Variants in NEB observed in about 807,000 individuals in gnomAD.
NEB encodes the protein nemaline myopathy type 2.
In NEB, 512 loss-of-function variants were observed where a neutral mutation model predicts 952.2. The observed-to-expected ratio is 0.54, with a 90% confidence interval of 0.50 to 0.58. NEB has a LOEUF of 0.58. Ranked by LOEUF, NEB falls within the 20% of genes least tolerant of loss-of-function variation. NEB has a pLI of 0.00. For synonymous variants in NEB, 2,900 were observed against 3,149.8 expected (o/e 0.92, Z 2.66); for missense variants, 8,428 against 9,231.1 (o/e 0.91, Z 3.56).
Position 151,514,908 on chromosome 2 carries a change from A to G in NEB, c.22926T>C (p.Tyr7642=). 6.4e-7 allele frequency: 1 copy of G among 1,573,238 alleles called. No homozygotes were observed. The highest frequency in any genetic ancestry group is 8.6e-7 in the Non-Finnish European group (1 of 1,156,872). The change falls in exon 158 of 182, where the codon TAT becomes TAC. Residue 7642 remains tyrosine, a synonymous_variant. Transcript: ENST00000397345. The part of the protein sequence containing the change: ...MQSGKEYRKD[Y]EESIKGRNLT... ...GGTTTCTGCCTTTAATGGACTCTTC[A>G]TAATCTTTCCTATATTCTTTCTAAT...
At chr2:151,710,353 G>C in intron 11 of NEB, 81 bp downstream of exon 11, 1 of 901,094 alleles carries the variant, frequency 1.1e-6, no homozygotes. Context: ...CACCCATTCA[G>C]GTAGAGCAAG....
chr2:151,610,389 C>CT lies in NEB; in HGVS notation c.12018+126dup, dbSNP rs2097903373. 5.2e-6 allele frequency: 4 copies of CT among 773,072 alleles called. No individual in the cohort carries two copies. In the South Asian group the frequency reaches 7.2e-5, roughly 14 times the overall value. The allele number at this position is 773,072 out of a possible 1,614,324, so 47.9% of individuals were successfully genotyped here. On this transcript the variant is annotated intron_variant, in intron 80 of 181. Coordinates refer to ENST00000397345, the MANE Select transcript of NEB (RefSeq NM_001164508.2). Reference sequence around the variant, plus strand: ...TCTCTGTAACAACAAAGGGAATGGTCTTGAGAGGTAGGAAGTAGGACTGGA... The same window carrying CT: ...TCTCTGTAACAACAAAGGGAATGGTCTTTGAGAGGTAGGAAGTAGGACTGGA...
chr2:151,623,375 G>A (rs1382903360), intron 71 of NEB, among the ~76,000 whole-genome samples: 1 of 152,076 alleles, frequency 6.6e-6, no homozygotes, highest in Non-Finnish European at 1.5e-5. Context: ...ACTGTTCAGT[G>A]TACTTTTCAT....
chr2:151,563,596 A>AT lies in NEB; in HGVS notation c.18693+9dup. The AT allele has an allele frequency of 6.2e-7, 1 of 1,606,516 alleles. No individual in the cohort carries two copies. Among genetic ancestry groups the AT allele is most frequent in the Non-Finnish European group, 8.5e-7 (1 of 1,173,126 alleles). Reference sequence around the variant, plus strand: ...GCACAAATCCCGTGTTAAAGTGGACATTTACTTACCGCACTCCTCATCTTT... The same window carrying AT: ...GCACAAATCCCGTGTTAAAGTGGACATTTTACTTACCGCACTCCTCATCTTT... On this transcript the variant is annotated intron_variant, in intron 119 of 181. Transcript: ENST00000397345.
Position 151,644,019 on chromosome 2 carries a change from A to G in NEB, c.7755T>C (p.Ser2585=), listed in dbSNP as rs757675579. ...MWSMHVAKIQ[S]DREYKKDFEK... is the part of the protein sequence containing the mutation. ...CAAAGTCCTTCTTGTACTCCCTGTC[A>G]CTCTGGATCTTGGCCACATGCATGG... The change falls in exon 57 of 182, where the codon AGT becomes AGC. Residue 2585 remains serine, a synonymous_variant. Coordinates refer to ENST00000397345, the MANE Select transcript of NEB (RefSeq NM_001164508.2). 1 of 1,613,488 alleles carries G rather than the reference A, an allele frequency of 6.2e-7. No individual in the cohort carries two copies. Among genetic ancestry groups the G allele is most frequent in the East Asian group, 2.2e-5 (1 of 44,828 alleles).
At chr2:151,669,550 G>C (rs1341732794) in intron 38 of NEB, among the ~76,000 whole-genome samples, 1 of 152,182 alleles carries the variant, frequency 6.6e-6, no homozygotes, top group Non-Finnish European at 1.5e-5. Flanking sequence ...AACTTGGAGA[G>C]AGGGGCAGAG....
At chr2:151,652,574 G>A (rs1045947556) in intron 52 of NEB, among the ~76,000 whole-genome samples, 1 of 152,134 alleles carries the variant, frequency 6.6e-6, no homozygotes, top group African/African-American at 2.4e-5. Context: ...GAGATGGAGA[G>A]AAGGTAGGAT....
intron 29 of NEB, among the ~76,000 whole-genome samples, chr2:151,682,330 A>G (rs2099422136): frequency 6.6e-6 from 1 of 152,240 alleles, no homozygotes; most frequent in Non-Finnish European, 1.5e-5. Flanking sequence ...AATGTGAGTT[A>G]CTTTTATTGT....
intron 13 of NEB, among the ~76,000 whole-genome samples, chr2:151,698,194 C>A (rs1272335723): frequency 1.3e-5 from 2 of 152,162 alleles, no homozygotes; most frequent in African/African-American, 2.4e-5. Flanking sequence ...ACATTCCAAA[C>A]TCAAAAAAAT....
chr2:151,628,903 A>AAAGAAG (rs34182658), intron 68 of NEB, among the ~76,000 whole-genome samples: 328 of 150,824 alleles, frequency 2.2e-3, no homozygotes, highest in African/African-American at 6.2e-3. Flanking sequence ...AAACAAAAGA[A>AAAGAAG]AAGAAGAAGA....
rs1351592372 is a variant in NEB at position 151,620,345 on chromosome 2, GTGTATATATA to G, written c.10560+564_10560+573del. On this transcript the variant is annotated intron_variant, in intron 72 of 181. Transcript: ENST00000397345. ...TTTTATTATATATATATGTATGTGT[GTGTATATATA>G]TATATATATATATATATATATATAT... Among the ~76,000 whole-genome samples, 256 of 87,886 alleles carry G rather than the reference GTGTATATATA, an allele frequency of 2.9e-3. 3 individuals are homozygous for G. The highest frequency in any genetic ancestry group is 3.5e-3 in the Non-Finnish European group (162 of 46,376). 57.7% of individuals were successfully genotyped at this position (87,886 alleles called of 152,430 possible). A position where few individuals can be genotyped will look rare whatever the true frequency, so the allele number is the denominator to read the frequency against.
Position 151,642,620 on chromosome 2 carries a change from G to A in NEB, c.8327C>T (p.Ala2776Val). Residue 2776 changes from alanine to valine, a missense_variant, in exon 60 of 182, where the codon GCC becomes GTC. Coordinates refer to ENST00000397345, the MANE Select transcript of NEB (RefSeq NM_001164508.2). ...KRKGYDMRVD[A>V]IPIKAAKASR... The stretch of plus-strand genomic sequence containing the variant: ...GGCCTTGGCTGCCTTGATAGGAATG[G>A]CATCTACCCGCATGTCATAACCTTT... 6.2e-7 allele frequency: 1 copy of A among 1,613,784 alleles called. No homozygotes were observed. The highest frequency in any genetic ancestry group is 2.2e-5 in the East Asian group (1 of 44,864).
At chr2:151,499,016 A>G (rs536400042) in intron 169 of NEB, among the ~76,000 whole-genome samples, 37 of 131,592 alleles carry the variant, frequency 2.8e-4, no homozygotes, top group Non-Finnish European at 5.0e-4. Context: ...GTTCAGATCA[A>G]ATTTGCCAAA....
In NEB at chr2:151,643,143, G is replaced by T; in HGVS notation, c.8160+7C>A. On this transcript the variant is annotated splice_region_variant and intron_variant, in intron 58 of 181. Coordinates refer to ENST00000397345, the MANE Select transcript of NEB (RefSeq NM_001164508.2). ...TAATAACCTCCTCAAACAAACATAG[G>T]ACTTACATGATTCATGGTAATAGCA... 6.2e-7 allele frequency: 1 copy of T among 1,606,232 alleles called. No homozygotes were observed. The highest frequency in any genetic ancestry group is 8.5e-7 in the Non-Finnish European group (1 of 1,173,910).
At chr2:151,546,556 ACT>A in intron 133 of NEB, 113 bp from the exon 134 acceptor site, 1 of 460,882 alleles carries the variant, frequency 2.2e-6, no homozygotes, top group Non-Finnish European at 3.6e-6. Flanking sequence ...TGGTTCATCT[ACT>A]TTTTTTTTTT....
chr2:151,612,924 T>C (rs2098051201), intron 77 of NEB, among the ~76,000 whole-genome samples: 1 of 152,242 alleles, frequency 6.6e-6, no homozygotes, highest in Non-Finnish European at 1.5e-5. Context: ...TTTACTCATA[T>C]TTATTTTATC....
chr2:151,576,062 T>C (rs1057331183), intron 106 of NEB, 89 bp downstream of exon 106: 9 of 1,077,866 alleles, frequency 8.3e-6, no homozygotes, highest in Non-Finnish European at 1.2e-5. Context: ...TTAATAAAGT[T>C]TTTATTATTC....
At chr2:151,494,504 G>T (rs2058769494) in intron 173 of NEB, among the ~76,000 whole-genome samples, 1 of 152,230 alleles carries the variant, frequency 6.6e-6, no homozygotes, top group African/African-American at 2.4e-5. Flanking sequence ...AAAAGGATGA[G>T]AAACCACCAT....
At chr2:151,701,297 A>G (rs368956947) in intron 13 of NEB, among the ~76,000 whole-genome samples, 5 of 151,610 alleles carry the variant, frequency 3.3e-5, no homozygotes, top group African/African-American at 4.8e-5. Context: ...TTGCATCAAT[A>G]TTCATCAAGG....
Sources: allele counts gnomAD v4.1 joint callset (sites outside exome capture counted in the v4.1 genomes callset), GRCh38; gene constraint gnomAD v4.1.1; transcripts MANE v1.5; gene names NCBI Gene and HGNC (gene_info 2026-07-23, HGNC 2026-07-21).